Variants in ACADM observed in about 807,000 individuals in gnomAD.
The protein encoded by ACADM is acyl-CoA dehydrogenase medium chain.
A neutral mutation model predicts 58.9 loss-of-function variants in ACADM; 49 were observed. That is an observed-to-expected ratio of 0.83 (90% CI 0.66 to 1.06). The LOEUF is 1.06. Ranked by LOEUF, ACADM falls within the 50% of genes least tolerant of loss-of-function variation. ACADM has a pLI of 0.00. For missense variants in ACADM, 496 were observed against 507.0 expected (o/e 0.98, Z 0.21); for synonymous variants, 160 against 157.7 (o/e 1.01, Z -0.11).
intron 7 of ACADM, 169 bp from the exon 8 acceptor site, chr1:75,745,637 C>G (rs1557454843): frequency 4.6e-6 from 3 of 651,780 alleles, no homozygotes; most frequent in Non-Finnish European, 8.3e-6. Context: ...CTAGCTCTTC[C>G]ATATACTAGG....
At chr1:75,753,246 G>A (rs1648302434) in intron 10 of ACADM, among the ~76,000 whole-genome samples, 1 of 152,010 alleles carries the variant, frequency 6.6e-6, no homozygotes, top group South Asian at 2.1e-4. Context: ...CCCTTAGATT[G>A]TTCATGCTCA....
At chr1:75,744,193 A>G in intron 7 of ACADM, 1 of 1,572,500 alleles carries the variant, frequency 6.4e-7, no homozygotes, top group Non-Finnish European at 8.8e-7. Flanking sequence ...CAGGTTTGCT[A>G]GAAGGAGGTT....
At chr1:75,744,212 G>A (rs1414434975) in intron 7 of ACADM, 22 of 1,573,810 alleles carry the variant, frequency 1.4e-5, no homozygotes, top group Middle Eastern at 3.3e-4. Context: ...TTGTGAGGGC[G>A]AGGGCACTGG....
chr1:75,761,151 A>C lies in ACADM; in HGVS notation c.975A>C (p.Glu325Asp), dbSNP rs1648825017. The change falls in exon 11 of 12, where the codon GAA (glutamate) becomes GAC (aspartate). Residue 325 changes from glutamate (E) to aspartate (D), a missense_variant. Glu to Asp is a conservative substitution (Grantham distance 45). Transcript: ENST00000370841. ...EHQAISFMLA[E>D]MAMKVELARM... is the part of the protein sequence containing the mutation. ...AAGCAATATCATTTATGCTGGCTGAAATGGCAATGAAAGTTGAACTAGCTA... is the reference window on the plus strand; with the variant it reads ...AAGCAATATCATTTATGCTGGCTGACATGGCAATGAAAGTTGAACTAGCTA... The C allele has an allele frequency of 1.2e-6, 2 of 1,613,936 alleles. No homozygotes were observed. The highest frequency in any genetic ancestry group is 1.1e-5 in the South Asian group (1 of 91,068).
intron 4 of ACADM, chr1:75,733,235 C>A: frequency 6.5e-7 from 1 of 1,537,226 alleles, no homozygotes; most frequent in Non-Finnish European, 8.8e-7. Flanking sequence ...TTTTGTGAAC[C>A]ATGATTCTTT....
chr1:75,760,377 G>A (rs1474721406), intron 10 of ACADM, among the ~76,000 whole-genome samples: 1 of 145,958 alleles, frequency 6.9e-6, no homozygotes, highest in Non-Finnish European at 1.5e-5. Flanking sequence ...AGCCGATAAC[G>A]CACCACTTCA....
At chr1:75,750,163 T>C (rs1648124169) in intron 9 of ACADM, among the ~76,000 whole-genome samples, 2 of 152,236 alleles carry the variant, frequency 1.3e-5, no homozygotes, top group South Asian at 4.1e-4. Flanking sequence ...TAATATGTAC[T>C]CATTTTCTGT....
intron 7 of ACADM, among the ~76,000 whole-genome samples, chr1:75,740,425 G>A (rs1457768449): frequency 1.1e-4 from 17 of 152,160 alleles, no homozygotes; most frequent in East Asian, 1.9e-4. Flanking sequence ...TATACCAGCC[G>A]CTCCTTGGAA....
rs765625793 is a variant in ACADM at position 75,732,651 on chromosome 1, C to T, written c.126C>T (p.Thr42=). ...EPGLGFSFEF[T]EQQKEFQATA... ...TAAATAATTTTCCCTTAGAGTTCAC[C>T]GAACAGCAGAAAGAATTTCAAGCTA... The change falls in exon 3 of 12, where the codon ACC becomes ACT. Residue 42 remains threonine, a synonymous_variant. Coordinates refer to ENST00000370841, the MANE Select transcript of ACADM (RefSeq NM_000016.6). The T allele has an allele frequency of 1.2e-5, 19 of 1,613,338 alleles. No individual in the cohort carries two copies. The highest frequency in any genetic ancestry group is 1.1e-4 in the East Asian group (5 of 44,840).
intron 10 of ACADM, among the ~76,000 whole-genome samples, chr1:75,752,803 A>G (rs1289224958): frequency 7.2e-5 from 11 of 152,050 alleles, no homozygotes; most frequent in Admixed American, 6.6e-4. Context: ...TTTATGGTCA[A>G]TTATTTTGCT....
chr1:75,737,293 T>TAC (rs1321756948), intron 6 of ACADM, among the ~76,000 whole-genome samples: 1 of 84,500 alleles, frequency 1.2e-5, no homozygotes, highest in Non-Finnish European at 2.5e-5. Flanking sequence ...TATATATATA[T>TAC]ATATATATAT....
intron 10 of ACADM, among the ~76,000 whole-genome samples, chr1:75,754,710 G>A (rs566862662): frequency 6.6e-6 from 1 of 152,340 alleles, no homozygotes; most frequent in South Asian, 2.1e-4. Flanking sequence ...CACAGAAGAC[G>A]GGTGATTTCT....
rs913794813 is a variant in ACADM at position 75,763,490 on chromosome 1, T to C, written c.*727T>C. 17 of 152,330 alleles carry C rather than the reference T, an allele frequency of 1.1e-4. No homozygotes were observed. Among genetic ancestry groups the C allele is most frequent in the Admixed American group, 5.9e-4 (9 of 15,298 alleles). 9.4% of individuals were successfully genotyped at this position (152,330 alleles called of 1,614,324 possible). The stretch of plus-strand genomic sequence containing the variant: ...GAACTTAATAAAATTGTTCAGTGCT[T>C]ATTATCATATCTTTCTGTATTTTTT... On this transcript the variant is annotated 3_prime_UTR_variant, in exon 12 of 12. Coordinates refer to ENST00000370841, the MANE Select transcript of ACADM (RefSeq NM_000016.6).
intron 6 of ACADM, among the ~76,000 whole-genome samples, chr1:75,735,219 G>A (rs1647222698): frequency 6.6e-6 from 1 of 150,750 alleles, no homozygotes; most frequent in Non-Finnish European, 1.5e-5. Flanking sequence ...AGGAGGCTGA[G>A]GCATAAGAAT....
chr1:75,746,598 A>ATT lies in ACADM; in HGVS notation c.708+701_708+702dup, dbSNP rs769123360. Among the ~76,000 whole-genome samples the ATT allele has an allele frequency of 2.0e-3, 280 of 140,460 alleles. 2 individuals are homozygous for ATT. Among genetic ancestry groups the ATT allele is most frequent in the South Asian group, 8.2e-3 (36 of 4,414 alleles). 92.1% of individuals were successfully genotyped at this position (140,460 alleles called of 152,430 possible). On this transcript the variant is annotated intron_variant, in intron 8 of 11. Transcript: ENST00000370841. ...GGAAAGAAATGAAGTCAATAAAGTA[A>ATT]TTTTTTTTTTTTTTTTTTGAGACAG...
intron 6 of ACADM, among the ~76,000 whole-genome samples, chr1:75,735,260 G>A (rs1647223897): frequency 6.7e-6 from 1 of 148,476 alleles, no homozygotes; most frequent in Non-Finnish European, 1.5e-5. Flanking sequence ...AAGATGCAGT[G>A]AGCAGAGATC....
intron 10 of ACADM, among the ~76,000 whole-genome samples, chr1:75,758,449 T>G (rs1178182926): frequency 6.6e-6 from 1 of 152,140 alleles, no homozygotes; most frequent in Non-Finnish European, 1.5e-5. Flanking sequence ...GCTTCCATGC[T>G]CTCCCTGGGA....
chr1:75,728,637 A>G (rs766711158), intron 2 of ACADM, 149 bp downstream of exon 2: 8 of 631,968 alleles, frequency 1.3e-5, no homozygotes, highest in Admixed American at 6.9e-5. Context: ...AATAACTCAC[A>G]CTCCATTCTT....
rs772007972 is a variant in ACADM, at chr1:75,724,765, G to T, written c.-23G>T. 1.8e-5 allele frequency: 27 copies of T among 1,530,942 alleles called. No individual in the cohort carries two copies. The Admixed American group carries it at 5.2e-4, about 30-fold the overall frequency. 94.8% of individuals were successfully genotyped at this position (1,530,942 alleles called of 1,614,324 possible). On this transcript the variant is annotated 5_prime_UTR_variant, in exon 1 of 12. Transcript: ENST00000370841. ...GGCCGTGACCCGTGTATTATTGTCCGAGTGGCCGGAACGGGAGCCAACATG... is the reference window on the plus strand; with the variant it reads ...GGCCGTGACCCGTGTATTATTGTCCTAGTGGCCGGAACGGGAGCCAACATG...
Sources: allele counts gnomAD v4.1 joint callset (sites outside exome capture counted in the v4.1 genomes callset), GRCh38; gene constraint gnomAD v4.1.1; transcripts MANE v1.5; gene names NCBI Gene and HGNC (gene_info 2026-07-23, HGNC 2026-07-21).